The following ARHGAP40 variants were observed in gnomAD, a reference collection of about 807,000 sequenced individuals.
ARHGAP40 encodes the protein rho GTPase-activating protein 40.
A neutral mutation model predicts 73.5 loss-of-function variants in ARHGAP40; 43 were observed. That is an observed-to-expected ratio of 0.58 (90% CI 0.46 to 0.75). The LOEUF (loss-of-function observed/expected upper bound fraction) is 0.75. Among genes scored for constraint, ARHGAP40 ranks in the 30% least tolerant of loss-of-function variants. The probability of loss-of-function intolerance (pLI) is 0.00; values close to 1 mark genes in which losing one functional copy is unlikely to be tolerated. For missense variants in ARHGAP40, 734 were observed against 861.8 expected, an observed-to-expected ratio of 0.85 and a Z score of 1.86; for synonymous variants, 300 against 352.8, an observed-to-expected ratio of 0.85 and a Z score of 1.68.
intron 1 of ARHGAP40, among the ~76,000 whole-genome samples, chr20:38,607,858 A>C (rs6015464): frequency 6.6e-6 from 1 of 152,050 alleles, no homozygotes; most frequent in South Asian, 2.1e-4. Context: ...ATCTTTTCAC[A>C]TAGGGCATTT....
chr20:38,608,614 A>G (rs768391036), intron 1 of ARHGAP40, among the ~76,000 whole-genome samples: 1 of 152,202 alleles, frequency 6.6e-6, no homozygotes, highest in Non-Finnish European at 1.5e-5. Context: ...CTAGGCCCAG[A>G]CAGTGTGACT....
exon 13 of ARHGAP40, chr20:38,647,087 G>A: frequency 7.7e-7 from 1 of 1,305,206 alleles, no homozygotes; most frequent in South Asian, 1.2e-5. Context: ...GGTTCCAAGG[G>A]TCAAGAAGAC....
intron 1 of ARHGAP40, among the ~76,000 whole-genome samples, chr20:38,617,915 A>G (rs935784955): frequency 6.6e-5 from 10 of 152,110 alleles, no homozygotes; most frequent in Non-Finnish European, 8.8e-5. Flanking sequence ...CTCGATAAAC[A>G]TTTGCTGAAT....
exon 2 of ARHGAP40, chr20:38,623,395 C>T (rs2088883642): frequency 2.3e-6 from 3 of 1,290,712 alleles, no homozygotes; most frequent in African/African-American, 1.5e-5. Context: ...ATCAGCTTCC[C>T]CAGAAGAATC....
chr20:38,647,037 G>A (rs1250966926), exon 13 of ARHGAP40: 1 of 1,305,414 alleles, frequency 7.7e-7, no homozygotes, highest in Non-Finnish European at 1.0e-6. Context: ...GCACCAAAGT[G>A]GCCCACGTCC....
At chr20:38,602,714 T>A (rs528487714) in intron 1 of ARHGAP40, among the ~76,000 whole-genome samples, 6 of 152,376 alleles carry the variant, frequency 3.9e-5, no homozygotes, top group Non-Finnish European at 8.8e-5. Context: ...TTTTGACATA[T>A]GTAAACCTAA....
chr20:38,634,099 TC>T (rs1478397094), intron 5 of ARHGAP40, among the ~76,000 whole-genome samples: 4 of 152,084 alleles, frequency 2.6e-5, no homozygotes, highest in African/African-American at 9.7e-5. Context: ...TGCTTGTAAT[TC>T]CAGCACTTTG....
intron 2 of ARHGAP40, among the ~76,000 whole-genome samples, chr20:38,624,789 C>T (rs2088890594): frequency 6.6e-6 from 1 of 152,206 alleles, no homozygotes; most frequent in African/African-American, 2.4e-5. Flanking sequence ...GCACCCCTGC[C>T]CCATCACTCT....
rs149915349 is a variant in ARHGAP40 at position 38,626,407 on chromosome 20, C to T, written c.338-588C>T. The stretch of plus-strand genomic sequence containing the variant: ...CATTCGAAGTGCAGATTCTCAGGCC[C>T]GAGGCCTGAACTCCTGGAACAGAAT... On this transcript the variant is annotated intron_variant, in intron 2 of 14. Transcript: ENST00000373345. Among the ~76,000 whole-genome samples, 311 of 152,256 alleles carry T rather than the reference C, an allele frequency of 2.0e-3. 3 individuals are homozygous for T. The highest frequency in any genetic ancestry group is 7.2e-3 in the African/African-American group (301 of 41,558).
At chr20:38,648,224 T>C (rs1334588321) in intron 13 of ARHGAP40, among the ~76,000 whole-genome samples, 1 of 152,276 alleles carries the variant, frequency 6.6e-6, no homozygotes, top group African/African-American at 2.4e-5. Context: ...TATCATATAA[T>C]AATTGTGATT....
intron 1 of ARHGAP40, among the ~76,000 whole-genome samples, chr20:38,618,932 A>G (rs2088858571): frequency 6.6e-6 from 1 of 152,172 alleles, no homozygotes; most frequent in South Asian, 2.1e-4. Context: ...CTGTAAAAGA[A>G]TTTTGGGACC....
At chr20:38,637,607 G>A (rs536317829) in intron 6 of ARHGAP40, 101 bp from the exon 7 acceptor site, 1 of 941,522 alleles carries the variant, frequency 1.1e-6, no homozygotes, top group Non-Finnish European at 1.5e-6. Flanking sequence ...CCTTCCACAG[G>A]AAAAGGGGTC....
chr20:38,617,395 C>T (rs220546), intron 1 of ARHGAP40, among the ~76,000 whole-genome samples: 30,133 of 152,094 alleles, frequency 0.2, 3,715 homozygotes, highest in African/African-American at 0.34. Flanking sequence ...TATGACCTCA[C>T]GGGCAAGGGT....
In ARHGAP40 at chr20:38,601,969, C is replaced by T. The variant is rs564055941; in HGVS notation, c.27C>T (p.Ala9=). 179 of 1,288,084 alleles carry T rather than the reference C, an allele frequency of 1.4e-4. 2 individuals are homozygous for T. The Admixed American group carries it at 3.8e-3, about 28-fold the overall frequency. 79.8% of individuals were successfully genotyped at this position (1,288,084 alleles called of 1,614,324 possible). The change falls in exon 1 of 15, where the codon GCC becomes GCT. Residue 9 remains alanine (A), a synonymous_variant. Coordinates refer to ENST00000373345, the Ensembl canonical transcript of ARHGAP40. ...TGGCCGAGCCTGCCCTCCTCCCCGC[C>T]GCCCAGATGGAGAGGCTGGCCCCAG...
chr20:38,621,552 T>C (rs2088873629), intron 1 of ARHGAP40, among the ~76,000 whole-genome samples: 1 of 152,144 alleles, frequency 6.6e-6, no homozygotes, highest in Admixed American at 6.5e-5. Context: ...CCCAAAACAA[T>C]GTCCCCTGAG....
At chr20:38,624,682 T>C (rs1339545868) in intron 2 of ARHGAP40, among the ~76,000 whole-genome samples, 1 of 152,184 alleles carries the variant, frequency 6.6e-6, no homozygotes, top group Non-Finnish European at 1.5e-5. Context: ...CAAATGCTCT[T>C]GCCCCAGGCA....
intron 1 of ARHGAP40, among the ~76,000 whole-genome samples, chr20:38,609,837 CA>C (rs1165069308): frequency 6.6e-6 from 1 of 152,220 alleles, no homozygotes; most frequent in African/African-American, 2.4e-5. Context: ...GATGGGATTG[CA>C]GTTTGCTTTC....
In ARHGAP40 at chr20:38,623,258, C is replaced by G. The variant is rs549691872; in HGVS notation, c.138-101C>G. On this transcript the variant is annotated intron_variant, in intron 1 of 14. Transcript: ENST00000373345. ...ATGCCTAGGAAGCTTGCTTAGCCCC[C>G]AGGGGCCCAGGCTGATTTCTGGAGA... 3.1e-5 allele frequency: 30 copies of G among 955,552 alleles called. No individual in the cohort carries two copies. In the African/African-American group the frequency reaches 4.4e-4, roughly 14 times the overall value. The allele number at this position is 955,552 out of a possible 1,614,324, so 59.2% of individuals were successfully genotyped here.
chr20:38,637,935 C>A (rs1402606678), intron 7 of ARHGAP40, 136 bp downstream of exon 7: 3 of 564,316 alleles, frequency 5.3e-6, no homozygotes, highest in Non-Finnish European at 5.2e-6. Context: ...CAAATTCTGG[C>A]TCTGGCACTT....
Sources: allele counts gnomAD v4.1 joint callset (sites outside exome capture counted in the v4.1 genomes callset), GRCh38; gene constraint gnomAD v4.1.1; transcripts MANE v1.5; gene names NCBI Gene and HGNC (gene_info 2026-07-23, HGNC 2026-07-21).